Variants in IGSF3 observed in about 807,000 individuals in gnomAD.
IGSF3 encodes the protein glu-Trp-Ile EWI motif-containing protein 3.
A neutral mutation model predicts 114.4 loss-of-function variants in IGSF3; 23 were observed. The ratio of observed to expected loss-of-function variants is 0.20; its 90% confidence interval spans 0.14 to 0.28. IGSF3 has a LOEUF of 0.28. Among genes scored for constraint, IGSF3 ranks in the 10% least tolerant of loss-of-function variants. The probability of loss-of-function intolerance (pLI) is 1.00; values close to 1 mark genes in which losing one functional copy is unlikely to be tolerated. For missense variants in IGSF3, 1,172 were observed against 1,591.5 expected, an observed-to-expected ratio of 0.74 and a Z score of 4.48; for synonymous variants, 571 against 645.2, an observed-to-expected ratio of 0.88 and a Z score of 1.74.
intron 4 of IGSF3, among the ~76,000 whole-genome samples, chr1:116,609,118 C>T (rs1660914351): frequency 2.0e-5 from 3 of 151,692 alleles, no homozygotes; most frequent in African/African-American, 7.3e-5. Context: ...AGGTACTTTC[C>T]CACTGAGTAA....
chr1:116,652,898 T>C (rs2101072716), intron 2 of IGSF3, among the ~76,000 whole-genome samples: 1 of 152,336 alleles, frequency 6.6e-6, no homozygotes, highest in Non-Finnish European at 1.5e-5. Context: ...GCCATTGTTC[T>C]CTGTACCCGT....
intron 9 of IGSF3, among the ~76,000 whole-genome samples, chr1:116,580,792 C>G (rs185172465): frequency 1.3e-5 from 2 of 152,310 alleles, no homozygotes; most frequent in Non-Finnish European, 2.9e-5. Context: ...GGAGAGAAGA[C>G]AGAGAGAAAG....
rs150833682 is a variant in IGSF3 at position 116,638,942 on chromosome 1, C to T, written c.44-22485G>A. Among the ~76,000 whole-genome samples the T allele has an allele frequency of 5.7e-3, 863 of 152,250 alleles. 6 individuals are homozygous for T. The highest frequency in any genetic ancestry group is 0.019 in the African/African-American group (796 of 41,536). ...CATGCATGCTGAACCATTCCAGCTG[C>T]GCCACTGCCCAGGAAAAAAGTCACA... On this transcript the variant is annotated intron_variant, in intron 2 of 10. Transcript: ENST00000369486. The surrounding 1 kb of genome is among the most constrained non-coding windows in gnomAD (Gnocchi z 4.1).
rs1174552579 is a variant in IGSF3 at position 116,600,890 on chromosome 1, A to G, written c.1625-545T>C. On this transcript the variant is annotated intron_variant, in intron 6 of 10. Transcript: ENST00000369486. This position sits in a 1 kb window ranked among gnomAD's most constrained non-coding sequence, Gnocchi z 5.5. ...AAAAACAGAGCAGGTGGGGACCTCC[A>G]GTGGGGTGGGACAATTATCCTAAAT... Among the ~76,000 whole-genome samples, 1 of 152,094 alleles carries G rather than the reference A, an allele frequency of 6.6e-6. No individual in the cohort carries two copies. Among genetic ancestry groups the G allele is most frequent in the Non-Finnish European group, 1.5e-5 (1 of 68,022 alleles).
rs1647646673 is a variant in IGSF3 at position 116,632,695 on chromosome 1, C to T, written c.44-16238G>A. Among the ~76,000 whole-genome samples, 1 of 152,224 alleles carries T rather than the reference C, an allele frequency of 6.6e-6. No homozygotes were observed. Among genetic ancestry groups the T allele is most frequent in the Non-Finnish European group, 1.5e-5 (1 of 68,042 alleles). ...AGAGGCTGTACTCATTAACTCAGAG[C>T]TGACCTCGTCTGGCAGGATTAACTA... On this transcript the variant is annotated intron_variant, in intron 2 of 10. Coordinates refer to ENST00000369486, the MANE Select transcript of IGSF3 (RefSeq NM_001007237.3). This position sits in a 1 kb window ranked among gnomAD's most constrained non-coding sequence, Gnocchi z 5.1.
At chr1:116,611,995 A>G (rs1661041463) in intron 4 of IGSF3, among the ~76,000 whole-genome samples, 1 of 152,228 alleles carries the variant, frequency 6.6e-6, no homozygotes, top group Non-Finnish European at 1.5e-5. Context: ...GAACCTAAAC[A>G]GCACAGGAAT....
At position 116,584,997 on chromosome 1, in the gene IGSF3, C is replaced by T; in HGVS notation, c.2496G>A (p.Arg832=). ...GAACCACACACTCCAGCTGTACCTG[C>T]CGGGTCTCCAGAACCGACAGGTTCC... ...AQGNLSVLET[R]QVQLECVVLN... The change falls in exon 9 of 11, where the codon CGG becomes CGA. Residue 832 remains arginine (R), a synonymous_variant. Coordinates refer to ENST00000369486, the MANE Select transcript of IGSF3 (RefSeq NM_001007237.3). The surrounding 1 kb of genome is among the most constrained non-coding windows in gnomAD (Gnocchi z 5.8). The T allele has an allele frequency of 1.9e-6, 3 of 1,579,262 alleles. No homozygotes were observed. The highest frequency in any genetic ancestry group is 2.6e-6 in the Non-Finnish European group (3 of 1,156,730).
intron 2 of IGSF3, among the ~76,000 whole-genome samples, chr1:116,619,014 G>T (rs999994639): frequency 5.8e-4 from 88 of 152,242 alleles, no homozygotes; most frequent in African/African-American, 2.1e-3. Flanking sequence ...GGATTAATTA[G>T]GATTTTTTTT....
Position 116,595,063 on chromosome 1 carries a change from C to T in IGSF3, c.2029+4878G>A, listed in dbSNP as rs1571134201. ...CAGCCTCACCAGCATGGCAACCTGG[C>T]ACTTAGTAGGTGCTCAATGCATGCA... On this transcript the variant is annotated intron_variant, in intron 7 of 10. Transcript: ENST00000369486. This position sits in a 1 kb window ranked among gnomAD's most constrained non-coding sequence, Gnocchi z 4.2. Among the ~76,000 whole-genome samples the T allele has an allele frequency of 6.6e-6, 1 of 152,268 alleles. No homozygotes were observed. The highest frequency in any genetic ancestry group is 1.9e-4 in the East Asian group (1 of 5,168).
intron 2 of IGSF3, among the ~76,000 whole-genome samples, chr1:116,630,490 T>C (rs1489265392): frequency 2.0e-5 from 3 of 152,304 alleles, no homozygotes; most frequent in South Asian, 4.1e-4. Context: ...ATTTTACTGA[T>C]GAGATGAGCA....
intron 2 of IGSF3, among the ~76,000 whole-genome samples, chr1:116,622,812 G>A (rs1661463081): frequency 1.3e-5 from 2 of 152,224 alleles, no homozygotes; most frequent in African/African-American, 4.8e-5. Flanking sequence ...CACAGAATGT[G>A]ACTAAGAGTT....
rs150779534 is a variant in IGSF3 at position 116,584,796 on chromosome 1, G to A, written c.2697C>T (p.Gly899=). Residue 899 remains glycine, a synonymous_variant, in exon 9 of 11, where the codon GGC becomes GGT. Transcript: ENST00000369486. The surrounding 1 kb of genome is among the most constrained non-coding windows in gnomAD (Gnocchi z 5.8). ...CGTTCTGGATGAAGAGACGGTACAC[G>A]CCGGGGGAAGGACTCTCCAAATGCA... is the stretch of plus-strand genomic sequence containing the variant. ...GRLHLESPSP[G]VYRLFIQNVA... 1.5e-4 allele frequency: 244 copies of A among 1,614,256 alleles called. No individual in the cohort carries two copies. In the African/African-American group the frequency reaches 2.2e-3, roughly 14 times the overall value.
intron 2 of IGSF3, among the ~76,000 whole-genome samples, chr1:116,630,995 G>T (rs1303016289): frequency 1.3e-5 from 2 of 152,104 alleles, no homozygotes; most frequent in East Asian, 3.9e-4. Context: ...CAGGGGCCAG[G>T]CCAGGGCAGG....
Position 116,659,385 on chromosome 1 carries a change from G to C in IGSF3, c.43+6899C>G, listed in dbSNP as rs1218659595. Among the ~76,000 whole-genome samples the C allele has an allele frequency of 5.3e-5, 8 of 152,126 alleles. 1 individual carries two copies. The highest frequency in any genetic ancestry group is 1.5e-5 in the Non-Finnish European group (1 of 67,986). ...GCCCACAATTAGTCAGTTAATAAAG[G>C]GTTCTTGATGAGAGAATTTGGCAAC... On this transcript the variant is annotated intron_variant, in intron 2 of 10. Coordinates refer to ENST00000369486, the MANE Select transcript of IGSF3 (RefSeq NM_001007237.3).
Position 116,584,680 on chromosome 1 carries a change from G to A in IGSF3, c.2813C>T (p.Thr938Ile), listed in dbSNP as rs1215816196. Residue 938 changes from threonine to isoleucine, a missense_variant, in exon 9 of 11, where the codon ACC (threonine) becomes ATC (isoleucine). Physicochemically the swap from Thr to Ile is moderately conservative, Grantham distance 89. Coordinates refer to ENST00000369486, the MANE Select transcript of IGSF3 (RefSeq NM_001007237.3). The surrounding 1 kb of genome is among the most constrained non-coding windows in gnomAD (Gnocchi z 5.8). ...SGMWYKRAED[T>I]AGQTALTVMR... is the part of the protein sequence containing the mutation. ...GACTGTCAGAGCTGTCTGCCCAGCG[G>A]TGTCCTCTGCCCGCTTATACCACAT... 1 of 1,614,166 alleles carries A rather than the reference G, an allele frequency of 6.2e-7. No homozygotes were observed.
In IGSF3 at chr1:116,579,630, G is replaced by T; in HGVS notation, c.3096C>A (p.Ala1032=). The part of the protein sequence containing the change: ...DDDDDPTERT[A]LLSVGPDAVF... The stretch of plus-strand genomic sequence containing the variant: ...CAGCATCTGGGCCCACGCTCAGCAG[G>T]GCCGTCCGCTCTGTTGGGTCGTCGT... The change falls in exon 10 of 11, where the codon GCC becomes GCA. Residue 1032 remains alanine, a synonymous_variant. Transcript: ENST00000369486. The surrounding 1 kb of genome is among the most constrained non-coding windows in gnomAD (Gnocchi z 6.4). 6.2e-7 allele frequency: 1 copy of T among 1,613,734 alleles called. No homozygotes were observed. The highest frequency in any genetic ancestry group is 8.5e-7 in the Non-Finnish European group (1 of 1,179,924).
rs796811696 is a variant in IGSF3 at position 116,629,789 on chromosome 1, G to A, written c.44-13332C>T. Among the ~76,000 whole-genome samples, 2 of 152,112 alleles carry A rather than the reference G, an allele frequency of 1.3e-5. No individual in the cohort carries two copies. The highest frequency in any genetic ancestry group is 2.4e-5 in the African/African-American group (1 of 41,428). ...TACTTTTTCTTAAAGCTGTTTAGCCGCTTTCCTAAAAACTCCTATTTTCTG... is the reference window on the plus strand; with the variant it reads ...TACTTTTTCTTAAAGCTGTTTAGCCACTTTCCTAAAAACTCCTATTTTCTG... On this transcript the variant is annotated intron_variant, in intron 2 of 10. Transcript: ENST00000369486. This position sits in a 1 kb window ranked among gnomAD's most constrained non-coding sequence, Gnocchi z 4.3.
chr1:116,641,914 T>C (rs1337436833), intron 2 of IGSF3, among the ~76,000 whole-genome samples: 4 of 151,720 alleles, frequency 2.6e-5, no homozygotes, highest in Non-Finnish European at 5.9e-5. Context: ...AGGGGTATAA[T>C]AATAGCTCAC....
intron 2 of IGSF3, among the ~76,000 whole-genome samples, chr1:116,663,050 A>G (rs1393968840): frequency 6.6e-6 from 1 of 152,210 alleles, no homozygotes; most frequent in African/African-American, 2.4e-5. Flanking sequence ...ATCATTTGCC[A>G]TCTACAGGTT....
Sources: gnomAD v4.1 joint callset for allele counts (sites outside exome capture counted in the v4.1 genomes callset) on GRCh38, gnomAD v4.1.1 for gene constraint, Gnocchi (gnomAD v3.1) non-coding constraint, MANE v1.5 for transcripts, NCBI Gene and HGNC (gene_info 2026-07-23, HGNC 2026-07-21) for gene names.